Variants in DNAJA4 observed in about 807,000 individuals in gnomAD.
The protein encoded by DNAJA4 is dnaJ homolog subfamily A member 4.
Under a neutral mutation model 39.7 loss-of-function variants are expected in DNAJA4, and 32 were observed. That is an observed-to-expected ratio of 0.81 (90% CI 0.61 to 1.08). The LOEUF (loss-of-function observed/expected upper bound fraction) is 1.08, where lower values mean the gene tolerates loss of function less well. Ranked by LOEUF, DNAJA4 falls within the 50% of genes least tolerant of loss-of-function variation. DNAJA4 has a pLI of 0.00. For synonymous variants in DNAJA4, 184 were observed against 182.4 expected (o/e 1.01, Z -0.07); for missense variants, 439 against 505.1 (o/e 0.87, Z 1.25).
At position 78,281,975 on chromosome 15, in the gene DNAJA4, G is replaced by C. The variant is rs1304023698; in HGVS notation, c.*1515G>C. The stretch of plus-strand genomic sequence containing the variant: ...AAATCACTTCTTCCAACGAAGCCTA[G>C]GTGAAAATCTATTTATAAATGGACC... On this transcript the variant is annotated 3_prime_UTR_variant, in exon 7 of 7. Coordinates refer to ENST00000394852, the MANE Select transcript of DNAJA4 (RefSeq NM_001130182.2). The C allele has an allele frequency of 6.6e-6, 1 of 152,208 alleles. No individual in the cohort carries two copies. The highest frequency in any genetic ancestry group is 1.5e-5 in the Non-Finnish European group (1 of 68,050). The allele number at this position is 152,208 out of a possible 1,614,324, so 9.4% of individuals were successfully genotyped here.
At chr15:78,266,135 T>A (rs1470440621) in intron 1 of DNAJA4, 11 of 1,188,572 alleles carry the variant, frequency 9.3e-6, no homozygotes, top group Non-Finnish European at 1.3e-5. Context: ...ATGGTGCTGG[T>A]GATTCATCCA....
At chr15:78,264,243 C>T (rs1311069482), upstream of DNAJA4, 30 of 900,524 alleles carry the variant, frequency 3.3e-5, no homozygotes, top group Non-Finnish European at 3.9e-5. Context: ...GGCAAGGGGG[C>T]GGCCTCGGGG....
chr15:78,267,393 C>A (rs2049170331), intron 1 of DNAJA4, among the ~76,000 whole-genome samples: 1 of 151,986 alleles, frequency 6.6e-6, no homozygotes, highest in South Asian at 2.1e-4. Flanking sequence ...CCCTGTTGTC[C>A]CCTGTTGCTA....
intron 2 of DNAJA4, among the ~76,000 whole-genome samples, chr15:78,270,984 CTT>C (rs1352648289): frequency 6.6e-6 from 1 of 152,176 alleles, no homozygotes; most frequent in Non-Finnish European, 1.5e-5. Context: ...TGGAGGAAAA[CTT>C]GAGCCCAGGA....
intron 1 of DNAJA4, chr15:78,265,593 T>C (rs2049099649): frequency 1.4e-6 from 1 of 702,262 alleles, no homozygotes; most frequent in Non-Finnish European, 2.6e-6. Flanking sequence ...ATGCTCTGCA[T>C]TTTAGAGACA....
rs776699036 is a variant in DNAJA4 at position 78,264,786 on chromosome 15, A to G, written c.23A>G (p.Tyr8Cys). 6.2e-7 allele frequency: 1 copy of G among 1,607,294 alleles called. No individual in the cohort carries two copies. Among genetic ancestry groups the G allele is most frequent in the Non-Finnish European group, 8.5e-7 (1 of 1,176,580 alleles). Residue 8 changes from tyrosine (Y) to cysteine (C), a missense_variant, in exon 1 of 7, where the codon TAT becomes TGT. Coordinates refer to ENST00000394852, the MANE Select transcript of DNAJA4 (RefSeq NM_001130182.2). MVKETQY[Y>C]DILGVKPSAS... is the part of the protein sequence containing the mutation. ...AAGATGGTGAAGGAGACCCAGTACT[A>G]TGACATCCTGGGCGTGAAGCCCAGC...
intron 1 of DNAJA4, 40 bp downstream of exon 1, chr15:78,264,935 G>A (rs745416860): frequency 2.0e-5 from 31 of 1,534,238 alleles, no homozygotes; most frequent in Non-Finnish European, 2.6e-5. Context: ...CTCCCGAGGG[G>A]CCAAGGGTTA....
intron 5 of DNAJA4, among the ~76,000 whole-genome samples, chr15:78,278,826 ATTT>A (rs33990133): frequency 1.1e-5 from 1 of 87,498 alleles, no homozygotes; most frequent in African/African-American, 4.8e-5. Flanking sequence ...TAGTTTTTCT[ATTT>A]TTTTTTTTTT....
intron 2 of DNAJA4, among the ~76,000 whole-genome samples, chr15:78,272,362 T>C (rs1004388217): frequency 1.3e-5 from 2 of 152,084 alleles, no homozygotes; most frequent in African/African-American, 4.8e-5. Flanking sequence ...AAAAAAAACC[T>C]TGGGTATTCT....
intron 1 of DNAJA4, among the ~76,000 whole-genome samples, chr15:78,267,173 A>AGTGTGTAT (rs1555438051): frequency 2.2e-5 from 2 of 92,332 alleles, no homozygotes; most frequent in Admixed American, 9.8e-5. Context: ...TGAGTGTGTG[A>AGTGTGTAT]GTGTGTGAGT....
chr15:78,274,933 T>C (rs1017787395), intron 4 of DNAJA4: 3 of 177,436 alleles, frequency 1.7e-5, no homozygotes, highest in African/African-American at 4.8e-5. Flanking sequence ...TAAGGCCTTT[T>C]TCCATTTTAG....
intron 1 of DNAJA4, among the ~76,000 whole-genome samples, chr15:78,267,159 T>TG (rs1384521293): frequency 1.1e-4 from 17 of 148,656 alleles, no homozygotes; most frequent in African/African-American, 4.3e-4. Flanking sequence ...TGTGAGTGTG[T>TG]ATGTGAGTGT....
At position 78,275,625 on chromosome 15, in the gene DNAJA4, CTT is replaced by C. The variant is rs765508494; in HGVS notation, c.775_776del (p.Leu259AspfsTer10). 1 of 1,614,012 alleles carries C rather than the reference CTT, an allele frequency of 6.2e-7. No individual in the cohort carries two copies. ...HSVFQRRGHD[L>X]IMKMKIQLSE... ...GTGTCTTTCAGAGACGAGGCCATGA[CTT>C]GATCATGAAAATGAAAATTCAGCTT... On this transcript the variant is annotated frameshift_variant, in exon 5 of 7. Coordinates refer to ENST00000394852, the MANE Select transcript of DNAJA4 (RefSeq NM_001130182.2). LOFTEE classifies it high-confidence loss of function.
Position 78,279,869 on chromosome 15 carries a change from C to T in DNAJA4, c.878-176C>T. ...AGAGTCTCAGCCTGAGCCCCTTCCC[C>T]AGGCAGTACCTGACAAGGATACCTG... On this transcript the variant is annotated intron_variant, in intron 5 of 6. Coordinates refer to ENST00000394852, the MANE Select transcript of DNAJA4 (RefSeq NM_001130182.2). The surrounding 1 kb of genome is among the most constrained non-coding windows in gnomAD (Gnocchi z 4.5). 1.6e-6 allele frequency: 1 copy of T among 622,166 alleles called. No individual in the cohort carries two copies. The highest frequency in any genetic ancestry group is 2.8e-6 in the Non-Finnish European group (1 of 354,752). 38.5% of individuals were successfully genotyped at this position (622,166 alleles called of 1,614,324 possible).
Position 78,280,060 on chromosome 15 carries a change from A to AC in DNAJA4, c.894dup (p.Gly299ArgfsTer9). The AC allele has an allele frequency of 6.2e-7, 1 of 1,614,234 alleles. No homozygotes were observed. Among genetic ancestry groups the AC allele is most frequent in the South Asian group, 1.1e-5 (1 of 91,088 alleles). On this transcript the variant is annotated frameshift_variant, in exon 6 of 7. Transcript: ENST00000394852. LOFTEE classifies it high-confidence loss of function. ...TCTCTGGCAGGTGAGGTGATAAAGC[A>AC]CGGGGACCTGAGATGCGTGCGCGAT...
intron 1 of DNAJA4, chr15:78,265,883 A>G (rs1595921747): frequency 3.4e-6 from 2 of 596,180 alleles, no homozygotes; most frequent in East Asian, 5.5e-5. Flanking sequence ...GACCTGTGGA[A>G]ACGACGCTGG....
chr15:78,280,539 T>A lies in DNAJA4; in HGVS notation c.*79T>A. On this transcript the variant is annotated 3_prime_UTR_variant, in exon 7 of 7. Transcript: ENST00000394852. ...TGGCACAATGAAAATGACATCGCTT[T>A]AATGGCCTTGTGTTTGGGATGTCCT... is the stretch of plus-strand genomic sequence containing the variant. 8.0e-7 allele frequency: 1 copy of A among 1,247,476 alleles called. No individual in the cohort carries two copies. Among genetic ancestry groups the A allele is most frequent in the Non-Finnish European group, 1.1e-6 (1 of 897,560 alleles). The allele number at this position is 1,247,476 out of a possible 1,614,324, so 77.3% of individuals were successfully genotyped here.
chr15:78,270,774 T>A, intron 2 of DNAJA4, 97 bp downstream of exon 2: 1 of 1,364,972 alleles, frequency 7.3e-7, no homozygotes, highest in Non-Finnish European at 1.0e-6. Flanking sequence ...AGGATATGAT[T>A]GGGCCAGGCG....
rs992727151 is a variant in DNAJA4 at position 78,281,098 on chromosome 15, T to C, written c.*638T>C. ...CTGATCATCTCTCTTGGAAGTTTTCTGAACCTTCCAAGCTCTGTGGTGAGG... is the reference window on the plus strand; with the variant it reads ...CTGATCATCTCTCTTGGAAGTTTTCCGAACCTTCCAAGCTCTGTGGTGAGG... On this transcript the variant is annotated 3_prime_UTR_variant, in exon 7 of 7. Transcript: ENST00000394852. The C allele has an allele frequency of 1.3e-5, 2 of 152,804 alleles. No homozygotes were observed. The highest frequency in any genetic ancestry group is 2.4e-5 in the African/African-American group (1 of 41,458). The allele number at this position is 152,804 out of a possible 1,614,324, so 9.5% of individuals were successfully genotyped here.
Sources: gnomAD v4.1 joint callset for allele counts (sites outside exome capture counted in the v4.1 genomes callset) on GRCh38, gnomAD v4.1.1 for gene constraint, Gnocchi (gnomAD v3.1) non-coding constraint, MANE v1.5 for transcripts, NCBI Gene and HGNC (gene_info 2026-07-23, HGNC 2026-07-21) for gene names.